OVCH2: variants seen among roughly 807,000 people sequenced by gnomAD.
OVCH2 encodes ovochymase-2.
OVCH2 carries 88 observed loss-of-function variants against 73.7 expected under a neutral mutation model. The ratio of observed to expected loss-of-function variants is 1.19; its 90% confidence interval spans 1.01 to 1.43. The LOEUF (loss-of-function observed/expected upper bound fraction) is 1.43, where lower values mean the gene tolerates loss of function less well. OVCH2 is among the 40% of genes most tolerant of loss of function. OVCH2 has a pLI of 0.00. For missense variants in OVCH2, 706 were observed against 674.5 expected, an observed-to-expected ratio of 1.05 and a Z score of -0.52; for synonymous variants, 265 against 234.5, an observed-to-expected ratio of 1.13 and a Z score of -1.19.
rs1436362335 is a variant in OVCH2, at chr11:7,691,418, C to T, written c.1508-18G>A. 1 of 1,605,994 alleles carries T rather than the reference C, an allele frequency of 6.2e-7. No homozygotes were observed. The highest frequency in any genetic ancestry group is 1.3e-5 in the African/African-American group (1 of 74,588). ...CAGCCGAGCTTGTTGAAGGCCAGCCCAGGCATGACATTGTCAAGCACCCAG... is the reference window on the plus strand; with the variant it reads ...CAGCCGAGCTTGTTGAAGGCCAGCCTAGGCATGACATTGTCAAGCACCCAG... On this transcript the variant is annotated intron_variant, in intron 13 of 15. Coordinates refer to ENST00000533663, the MANE Select transcript of OVCH2 (RefSeq NM_198185.7).
Position 7,701,476 on chromosome 11 carries a change from C to T in OVCH2, c.560-1G>A, listed in dbSNP as rs1467128096. The T allele has an allele frequency of 6.2e-7, 1 of 1,608,700 alleles. No homozygotes were observed. Among genetic ancestry groups the T allele is most frequent in the South Asian group, 1.1e-5 (1 of 89,440 alleles). ...TGCAAGACTTGTGAGAGGACGCCAC[C>T]TGAAAAACAGAGAGATGGAAGCCCC... On this transcript the variant is annotated splice_acceptor_variant, in intron 5 of 15. Coordinates refer to ENST00000533663, the MANE Select transcript of OVCH2 (RefSeq NM_198185.7). LOFTEE classifies it high-confidence loss of function.
At chr11:7,691,076 G>T (rs1856210262) in intron 14 of OVCH2, 193 bp downstream of exon 14, 2 of 594,818 alleles carry the variant, frequency 3.4e-6, no homozygotes. Context: ...TACCTTGAAG[G>T]CACCTAACCT....
At chr11:7,689,851 C>T in intron 15 of OVCH2, 73 bp downstream of exon 15, 2 of 911,984 alleles carry the variant, frequency 2.2e-6, no homozygotes, top group East Asian at 2.6e-5. Flanking sequence ...GAATTAAATC[C>T]ATATCACCTG....
At chr11:7,688,548 C>T (rs529415093), downstream of OVCH2, among the ~76,000 whole-genome samples, 1 of 152,324 alleles carries the variant, frequency 6.6e-6, no homozygotes, top group Non-Finnish European at 1.5e-5. Flanking sequence ...GAGACCCCAA[C>T]TGCTTTCATC....
chr11:7,696,462 C>A lies in OVCH2; in HGVS notation c.1141+3G>T. 1 of 1,613,962 alleles carries A rather than the reference C, an allele frequency of 6.2e-7. No individual in the cohort carries two copies. The highest frequency in any genetic ancestry group is 8.5e-7 in the Non-Finnish European group (1 of 1,179,884). ...CCATTTGACACTGTGAAAATCCACTCACCAATGGGTCTGTCTTCTAAAGAA... is the reference window on the plus strand; with the variant it reads ...CCATTTGACACTGTGAAAATCCACTAACCAATGGGTCTGTCTTCTAAAGAA... On this transcript the variant is annotated splice_donor_region_variant and intron_variant, in intron 10 of 15. Transcript: ENST00000533663.
intron 10 of OVCH2, 101 bp from the exon 11 acceptor site, chr11:7,695,811 T>A: frequency 6.8e-7 from 1 of 1,467,100 alleles, no homozygotes; most frequent in Middle Eastern, 1.8e-4. Context: ...TTCAGGATTG[T>A]CCAATCCAAA....
At chr11:7,698,316 C>T (rs1228190179) in intron 8 of OVCH2, among the ~76,000 whole-genome samples, 1 of 152,138 alleles carries the variant, frequency 6.6e-6, no homozygotes, top group Non-Finnish European at 1.5e-5. Context: ...ACCATCTGGC[C>T]CACACTATTT....
At chr11:7,694,451 G>A (rs1856282843) in intron 12 of OVCH2, among the ~76,000 whole-genome samples, 1 of 152,128 alleles carries the variant, frequency 6.6e-6, no homozygotes, top group Non-Finnish European at 1.5e-5. Flanking sequence ...GGTTCCTCTA[G>A]GCTTGCTCTG....
At chr11:7,678,952 A>T in the OVCH2 span, among the ~76,000 whole-genome samples, 4 of 152,124 alleles carry the variant, frequency 2.6e-5, no homozygotes, top group East Asian at 1.9e-4. Flanking sequence ...AAAGGCAAAC[A>T]TTTTTTTTAA....
chr11:7,704,049 G>A (rs1232012297), intron 2 of OVCH2, among the ~76,000 whole-genome samples: 1 of 152,166 alleles, frequency 6.6e-6, no homozygotes, highest in East Asian at 1.9e-4. Context: ...TAGAAGTGGT[G>A]AGATGTATTT....
downstream of OVCH2, among the ~76,000 whole-genome samples, chr11:7,684,504 ATATGTGTGTG>A (rs1292062916): frequency 1.1e-4 from 10 of 91,474 alleles, no homozygotes; most frequent in African/African-American, 5.2e-4. Context: ...ACATACATAC[ATATGTGTGTG>A]TGTGTGTGTG....
rs12281236 is a variant in OVCH2 at position 7,706,136 on chromosome 11, C to A, written c.88+171G>T. 8,564 of 622,576 alleles carry A rather than the reference C, an allele frequency of 0.014. 536 individuals are homozygous for A. The African/African-American group carries it at 0.14, about 10-fold the overall frequency. The allele number at this position is 622,576 out of a possible 1,614,324, so 38.6% of individuals were successfully genotyped here. On this transcript the variant is annotated intron_variant, in intron 1 of 15. Transcript: ENST00000533663. ...TTCTATAAATGTTTCACCCTGTGTCCTATGCCGATTGCAGGAGATAAGTCC... is the reference window on the plus strand; with the variant it reads ...TTCTATAAATGTTTCACCCTGTGTCATATGCCGATTGCAGGAGATAAGTCC...
the OVCH2 span, among the ~76,000 whole-genome samples, chr11:7,683,307 A>G: frequency 1.6e-4 from 24 of 152,180 alleles, no homozygotes; most frequent in African/African-American, 3.1e-4. Context: ...ACCTTGGTCT[A>G]TATCTTACTT....
chr11:7,695,800 T>A, intron 10 of OVCH2, 90 bp from the exon 11 acceptor site: 7 of 1,505,810 alleles, frequency 4.6e-6, no homozygotes, highest in Non-Finnish European at 5.4e-6. Flanking sequence ...TGCCATGATA[T>A]TTCAGGATTG....
At chr11:7,695,283 C>G in intron 11 of OVCH2, 95 bp from the exon 12 acceptor site, 1 of 1,366,306 alleles carries the variant, frequency 7.3e-7, no homozygotes. Flanking sequence ...TGATGCATAT[C>G]AATTGCATTT....
At chr11:7,691,493 G>A in intron 13 of OVCH2, 93 bp from the exon 14 acceptor site, 3 of 1,443,992 alleles carry the variant, frequency 2.1e-6, no homozygotes, top group Non-Finnish European at 2.8e-6. Flanking sequence ...CATCCTTCAG[G>A]TAATTGTTGA....
At chr11:7,691,792 G>T in intron 13 of OVCH2, 110 bp downstream of exon 13, 1 of 782,354 alleles carries the variant, frequency 1.3e-6, no homozygotes, top group Non-Finnish European at 2.1e-6. Context: ...AGGGAGGGGT[G>T]GAGGTGGTGC....
downstream of OVCH2, among the ~76,000 whole-genome samples, chr11:7,688,524 G>T (rs1856167545): frequency 6.6e-6 from 1 of 152,094 alleles, no homozygotes; most frequent in Non-Finnish European, 1.5e-5. Context: ...CATTGTCAAA[G>T]AAGCCAGAAC....
rs1346058024 is a variant in OVCH2 at position 7,700,360 on chromosome 11, T to G, written c.837A>C (p.Gly279=). ...TAATGTCTGTGAAGATCCCAGGGGA[T>G]CCTTGATCACTTTTCCTCACATTGT... ...WRNNVRKSDQ[G]SPGIFTDISK... is the part of the protein sequence containing the mutation. The change falls in exon 7 of 16, where the codon GGA becomes GGC. Residue 279 remains glycine (G), a synonymous_variant. Coordinates refer to ENST00000533663, the MANE Select transcript of OVCH2 (RefSeq NM_198185.7). 1.2e-6 allele frequency: 2 copies of G among 1,613,604 alleles called. No homozygotes were observed. The highest frequency in any genetic ancestry group is 1.7e-6 in the Non-Finnish European group (2 of 1,179,844).
Sources: gnomAD v4.1 joint callset for allele counts (sites outside exome capture counted in the v4.1 genomes callset) on GRCh38, gnomAD v4.1.1 for gene constraint, MANE v1.5 for transcripts, NCBI Gene and HGNC (gene_info 2026-07-23, HGNC 2026-07-21) for gene names.